TRIM37: variants seen among roughly 807,000 people sequenced by gnomAD.
TRIM37 encodes the protein tripartite motif containing 37, also known as E3 ubiquitin-protein ligase TRIM37.
In TRIM37, 80 loss-of-function variants were observed where a neutral mutation model predicts 129.8. That is an observed-to-expected ratio of 0.62 (90% CI 0.51 to 0.74). The LOEUF (loss-of-function observed/expected upper bound fraction) is 0.74. Ranked by LOEUF, TRIM37 falls within the 30% of genes least tolerant of loss-of-function variation. The pLI is 0.00. For synonymous variants in TRIM37, 389 were observed against 387.1 expected (o/e 1.00, Z -0.06); for missense variants, 1,054 against 1,176.5 (o/e 0.90, Z 1.52).
intron 22 of TRIM37, among the ~76,000 whole-genome samples, chr17:59,006,329 T>A (rs998238940): frequency 1.8e-4 from 28 of 152,236 alleles, no homozygotes; most frequent in African/African-American, 6.8e-4. Context: ...CTTATTACTC[T>A]GTCAATCATC....
intron 23 of TRIM37, among the ~76,000 whole-genome samples, chr17:58,999,757 G>A (rs544411807): frequency 6.6e-6 from 1 of 152,240 alleles, no homozygotes; most frequent in South Asian, 2.1e-4. Flanking sequence ...AGCTTAAAAA[G>A]GGAACAAGAA....
chr17:59,060,368 A>G (rs2041373280), intron 12 of TRIM37, among the ~76,000 whole-genome samples: 2 of 150,674 alleles, frequency 1.3e-5, no homozygotes, highest in Non-Finnish European at 1.5e-5. Flanking sequence ...AAATGGGTAG[A>G]TCTCATCCCT....
At chr17:59,063,813 G>GC (rs748681659) in intron 10 of TRIM37, among the ~76,000 whole-genome samples, 5 of 152,176 alleles carry the variant, frequency 3.3e-5, no homozygotes, top group Admixed American at 3.3e-4. Flanking sequence ...TAACTGTCCA[G>GC]CCCCCCACCT....
chr17:59,062,612 T>C lies in TRIM37; in HGVS notation c.897A>G (p.Pro299=), dbSNP rs376783422. The C allele has an allele frequency of 1.2e-4, 196 of 1,613,934 alleles. No individual in the cohort carries two copies. The highest frequency in any genetic ancestry group is 2.0e-4 in the South Asian group (18 of 91,090). ...AGCAAAGTCCTGAAACTTGAAGAGG[T>C]GGACTGTAAACAGGATCTGCTCTCT... The part of the protein sequence containing the change: ...LRQRADPVYS[P]PLQVSGLCWR... Residue 299 remains proline (P), a synonymous_variant, in exon 11 of 24, where the codon CCA becomes CCG. Transcript: ENST00000262294.
At position 59,006,007 on chromosome 17, in the gene TRIM37, C is replaced by T. The variant is rs140255778; in HGVS notation, c.2696-4293G>A. On this transcript the variant is annotated intron_variant, in intron 22 of 23. Coordinates refer to ENST00000262294, the MANE Select transcript of TRIM37 (RefSeq NM_015294.6). ...CTTTCAACTTGCCCTAAGTAGATTC[C>T]TTCAAATCAGTAATGTTTCTGTGTT... 1.3e-3 allele frequency among the ~76,000 whole-genome samples: 194 copies of T among 152,188 alleles called. 2 individuals carry two copies. In the Middle Eastern group the frequency reaches 0.017, roughly 13 times the overall value.
the TRIM37 span, chr17:58,972,969 G>A: frequency 1.4e-6 from 2 of 1,397,820 alleles, no homozygotes; most frequent in Non-Finnish European, 2.0e-6. Context: ...TCCTCTTCTA[G>A]CTCATTCTCC....
intron 16 of TRIM37, among the ~76,000 whole-genome samples, chr17:59,043,508 C>T (rs1039365727): frequency 6.6e-6 from 1 of 152,218 alleles, no homozygotes; most frequent in African/African-American, 2.4e-5. Context: ...AGGCCTCCCA[C>T]TTCCCGAACT....
At chr17:59,035,616 G>A (rs1389944427) in intron 17 of TRIM37, among the ~76,000 whole-genome samples, 1 of 151,878 alleles carries the variant, frequency 6.6e-6, no homozygotes, top group Admixed American at 6.6e-5. Flanking sequence ...TGGCCGTGGT[G>A]GAGGGCACCT....
intron 9 of TRIM37, among the ~76,000 whole-genome samples, chr17:59,067,715 T>C (rs181387307): frequency 6.6e-6 from 1 of 152,322 alleles, no homozygotes; most frequent in Non-Finnish European, 1.5e-5. Flanking sequence ...TTTGTATTTT[T>C]AGTAGAGATG....
intron 4 of TRIM37, chr17:59,087,843 C>G (rs1189052462): frequency 5.4e-6 from 1 of 184,966 alleles, no homozygotes; most frequent in East Asian, 1.4e-4. Flanking sequence ...CAATCACTGC[C>G]ACATCACTCT....
At chr17:59,098,557 CAA>C (rs1568254159) in intron 2 of TRIM37, among the ~76,000 whole-genome samples, 1 of 150,638 alleles carries the variant, frequency 6.6e-6, no homozygotes, top group Non-Finnish European at 1.5e-5. Flanking sequence ...CCCAGCTACT[CAA>C]GAGTGTGAAG....
intron 3 of TRIM37, among the ~76,000 whole-genome samples, chr17:59,089,598 G>A (rs1232774844): frequency 2.0e-5 from 3 of 152,128 alleles, no homozygotes; most frequent in Admixed American, 6.5e-5. Flanking sequence ...CCAAGATTGC[G>A]CCACTGCACC....
At chr17:59,056,661 C>T (rs564346562) in intron 13 of TRIM37, among the ~76,000 whole-genome samples, 12 of 118,834 alleles carry the variant, frequency 1.0e-4, no homozygotes, top group East Asian at 8.9e-4. Flanking sequence ...ACCCGGGAGG[C>T]GGAGCTTGTA....
At chr17:59,098,579 T>C (rs115400117) in intron 2 of TRIM37, among the ~76,000 whole-genome samples, 481 of 150,714 alleles carry the variant, frequency 3.2e-3, no homozygotes, top group African/African-American at 0.01. Flanking sequence ...GCAGGCCAAC[T>C]GCTTGAGCCC....
At chr17:59,050,200 A>T (rs544083488) in intron 14 of TRIM37, among the ~76,000 whole-genome samples, 18 of 152,210 alleles carry the variant, frequency 1.2e-4, no homozygotes, top group Non-Finnish European at 2.2e-4. Flanking sequence ...TATAGCCTAG[A>T]ATCCTCTAAA....
At chr17:59,053,992 CT>C (rs2146269110) in intron 13 of TRIM37, among the ~76,000 whole-genome samples, 1 of 152,226 alleles carries the variant, frequency 6.6e-6, no homozygotes, top group Non-Finnish European at 1.5e-5. Flanking sequence ...AATCATATCC[CT>C]TGTTAAACTT....
At chr17:59,023,195 C>T (rs2036821248) in intron 19 of TRIM37, among the ~76,000 whole-genome samples, 1 of 152,120 alleles carries the variant, frequency 6.6e-6, no homozygotes, top group Non-Finnish European at 1.5e-5. Flanking sequence ...AGTGGCTTGG[C>T]CTCCTGAGTA....
intron 2 of TRIM37, among the ~76,000 whole-genome samples, chr17:59,093,598 T>C (rs1240597008): frequency 6.6e-6 from 1 of 152,228 alleles, no homozygotes; most frequent in Non-Finnish European, 1.5e-5. Context: ...GACTTATTTG[T>C]TGGTCTCCTT....
intron 17 of TRIM37, among the ~76,000 whole-genome samples, chr17:59,037,830 A>G (rs1474096800): frequency 6.6e-6 from 1 of 152,100 alleles, no homozygotes; most frequent in Non-Finnish European, 1.5e-5. Flanking sequence ...CACCTAGAGT[A>G]CTGAAATACA....
Sources: gnomAD v4.1 joint callset for allele counts (sites outside exome capture counted in the v4.1 genomes callset) on GRCh38, gnomAD v4.1.1 for gene constraint, MANE v1.5 for transcripts, NCBI Gene and HGNC (gene_info 2026-07-23, HGNC 2026-07-21) for gene names.